The following LPIN2 variants were observed in gnomAD, a reference collection of about 807,000 sequenced individuals.
The protein encoded by LPIN2 is phosphatidate phosphatase LPIN2.
Under a neutral mutation model 111.4 loss-of-function variants are expected in LPIN2, and 55 were observed. That is an observed-to-expected ratio of 0.49 (90% CI 0.40 to 0.62). The LOEUF (loss-of-function observed/expected upper bound fraction) is 0.62. LPIN2 is among the 20% of genes least tolerant of loss of function. The probability of loss-of-function intolerance (pLI) is 0.00; values close to 1 mark genes in which losing one functional copy is unlikely to be tolerated. For synonymous variants in LPIN2, 425 were observed against 414.0 expected, an observed-to-expected ratio of 1.03 and a Z score of -0.32; for missense variants, 992 against 1,112.1, an observed-to-expected ratio of 0.89 and a Z score of 1.54.
intron 1 of LPIN2, among the ~76,000 whole-genome samples, chr18:2,968,543 G>A (rs2077846674): frequency 6.6e-6 from 1 of 151,400 alleles, no homozygotes; most frequent in African/African-American, 2.4e-5. Context: ...CTATTTGGGA[G>A]ACTGTTAGGA....
At chr18:3,008,888 T>G (rs541269932) in intron 1 of LPIN2, among the ~76,000 whole-genome samples, 2 of 151,236 alleles carry the variant, frequency 1.3e-5, no homozygotes, top group Admixed American at 1.3e-4. Context: ...TGTTTTTTTT[T>G]TTTTTTTTTT....
chr18:2,973,302 T>C (rs2077954059), intron 1 of LPIN2, among the ~76,000 whole-genome samples: 1 of 152,200 alleles, frequency 6.6e-6, no homozygotes, highest in African/African-American at 2.4e-5. Context: ...ATAATCAAGA[T>C]ACAGATCAAT....
At chr18:2,923,381 T>C (rs552873683) in intron 16 of LPIN2, among the ~76,000 whole-genome samples, 37 of 118,136 alleles carry the variant, frequency 3.1e-4, no homozygotes, top group Admixed American at 9.1e-4. Flanking sequence ...GGTCGCGCCA[T>C]TGCACTTCAG....
rs79202522 is a variant in LPIN2, at chr18:2,953,356, T to G, written c.288+1148A>C. On this transcript the variant is annotated intron_variant, in intron 3 of 19. Coordinates refer to ENST00000677752, the MANE Select transcript of LPIN2 (RefSeq NM_001375808.2). ...TTTTAAGAAACATACAAAAAGTGGTTTTTTTTTTTGACAGATGTCATTTAT... is the reference window on the plus strand; with the variant it reads ...TTTTAAGAAACATACAAAAAGTGGTGTTTTTTTTTGACAGATGTCATTTAT... Among the ~76,000 whole-genome samples the G allele has an allele frequency of 8.2e-4, 122 of 149,036 alleles. No individual in the cohort carries two copies. In the East Asian group the frequency reaches 0.019, roughly 23 times the overall value.
chr18:2,925,078 G>C lies in LPIN2; in HGVS notation c.1938+146C>G. The C allele has an allele frequency of 9.0e-7, 1 of 1,113,760 alleles. No homozygotes were observed. Among genetic ancestry groups the C allele is most frequent in the Non-Finnish European group, 1.3e-6 (1 of 762,606 alleles). The allele number at this position is 1,113,760 out of a possible 1,614,324, so 69.0% of individuals were successfully genotyped here. ...CTGATAGCTCTTGGGGGCGGCGGTC[G>C]TGGTTCCACTGTGGATAGGCATTGA... On this transcript the variant is annotated intron_variant, in intron 14 of 19. Transcript: ENST00000677752. The surrounding 1 kb of genome is among the most constrained non-coding windows in gnomAD (Gnocchi z 4.1).
chr18:2,982,045 G>C (rs2078118768), intron 1 of LPIN2, among the ~76,000 whole-genome samples: 1 of 152,114 alleles, frequency 6.6e-6, no homozygotes, highest in African/African-American at 2.4e-5. Flanking sequence ...GCAGATTTCT[G>C]GGACTTACAC....
At chr18:2,938,932 T>A (rs1400345869) in intron 6 of LPIN2, among the ~76,000 whole-genome samples, 1 of 152,216 alleles carries the variant, frequency 6.6e-6, no homozygotes, top group Non-Finnish European at 1.5e-5. Context: ...GGCAGGAGGA[T>A]CTCTTGAGCC....
rs1367813531 is a variant in LPIN2 at position 2,934,330 on chromosome 18, AATAAATAAGG to A, written c.1268+11_1268+20del. On this transcript the variant is annotated intron_variant, in intron 8 of 19. Coordinates refer to ENST00000677752, the MANE Select transcript of LPIN2 (RefSeq NM_001375808.2). Reference sequence around the variant, plus strand: ...CTAGACTATTTCAGAGCTGTCCTTCAATAAATAAGGACCACTCTACCTTTTAGGGAAATAA... The same window carrying A: ...CTAGACTATTTCAGAGCTGTCCTTCAACCACTCTACCTTTTAGGGAAATAA... 1 of 1,490,074 alleles carries A rather than the reference AATAAATAAGG, an allele frequency of 6.7e-7. No individual in the cohort carries two copies. The highest frequency in any genetic ancestry group is 9.4e-7 in the Non-Finnish European group (1 of 1,067,200). The allele number at this position is 1,490,074 out of a possible 1,614,324, so 92.3% of individuals were successfully genotyped here.
chr18:2,957,600 C>A (rs1433348609), intron 2 of LPIN2, among the ~76,000 whole-genome samples: 3 of 152,150 alleles, frequency 2.0e-5, no homozygotes, highest in Non-Finnish European at 4.4e-5. Context: ...ATGTCCGTTC[C>A]TTTGACAGGG....
intron 1 of LPIN2, among the ~76,000 whole-genome samples, chr18:3,000,564 T>TCAGATG (rs1419684725): frequency 2.0e-5 from 3 of 152,226 alleles, no homozygotes; most frequent in African/African-American, 4.8e-5. Flanking sequence ...ATGCCCTCCA[T>TCAGATG]CAGATGTACG....
Position 2,924,616 on chromosome 18 carries a change from G to C in LPIN2, c.1939-70C>G, listed in dbSNP as rs1048520575. The C allele has an allele frequency of 1.1e-5, 16 of 1,514,942 alleles. No homozygotes were observed. In the Admixed American group the frequency reaches 2.2e-4, roughly 21 times the overall value. 93.8% of individuals were successfully genotyped at this position (1,514,942 alleles called of 1,614,324 possible). On this transcript the variant is annotated intron_variant, in intron 14 of 19. Transcript: ENST00000677752. ...GTTTGAAACGATTTAAAAATTTACA[G>C]AACAACTGGTGTCTCGGAATCCCAA...
chr18:3,009,593 C>T (rs2078568597), intron 1 of LPIN2, among the ~76,000 whole-genome samples: 1 of 151,764 alleles, frequency 6.6e-6, no homozygotes, highest in Non-Finnish European at 1.5e-5. Context: ...CATGCATAAC[C>T]ACACCTGGCT....
chr18:2,938,943 C>G (rs1299703752), intron 6 of LPIN2, among the ~76,000 whole-genome samples: 1 of 152,156 alleles, frequency 6.6e-6, no homozygotes, highest in Non-Finnish European at 1.5e-5. Context: ...CTCTTGAGCC[C>G]AGGAGTTTGC....
At chr18:2,993,327 G>T (rs2078295306) in intron 1 of LPIN2, among the ~76,000 whole-genome samples, 1 of 152,188 alleles carries the variant, frequency 6.6e-6, no homozygotes, top group African/African-American at 2.4e-5. Context: ...TTTAAAATGA[G>T]AATATATTTG....
chr18:2,921,576 G>C lies in LPIN2; in HGVS notation c.2399C>G (p.Pro800Arg). Residue 800 changes from proline to arginine, a missense_variant, in exon 18 of 20, where the codon CCG (proline) becomes CGG (arginine). By Grantham distance (103) the Pro-to-Arg change is moderately radical. Coordinates refer to ENST00000677752, the MANE Select transcript of LPIN2 (RefSeq NM_001375808.2). The part of the protein sequence containing the change: ...CLNDIKNLFA[P>R]SKQPFYAAFG... ...GGCAGCATAGAAGGGCTGCTTAGAC[G>C]GGGCAAACAGATTCTTGATATCATT... 1 of 1,614,064 alleles carries C rather than the reference G, an allele frequency of 6.2e-7. No individual in the cohort carries two copies. The highest frequency in any genetic ancestry group is 8.5e-7 in the Non-Finnish European group (1 of 1,179,978).
At chr18:2,959,507 T>G (rs1262977136) in intron 2 of LPIN2, among the ~76,000 whole-genome samples, 1 of 152,216 alleles carries the variant, frequency 6.6e-6, no homozygotes, top group East Asian at 1.9e-4. Flanking sequence ...CTTTAAAATG[T>G]TGACAAAGCC....
chr18:2,955,181 C>T (rs1038268636), intron 2 of LPIN2, among the ~76,000 whole-genome samples: 1 of 152,112 alleles, frequency 6.6e-6, no homozygotes, highest in African/African-American at 2.4e-5. Flanking sequence ...TGCGTTGGGC[C>T]ATTTTTGTGT....
intron 6 of LPIN2, among the ~76,000 whole-genome samples, chr18:2,938,508 A>G: frequency 6.6e-6 from 1 of 152,172 alleles, no homozygotes; most frequent in Non-Finnish European, 1.5e-5. Flanking sequence ...TAGGTGACAG[A>G]GCAAGACTTT....
At chr18:2,964,296 A>AAG (rs2077757478) in intron 1 of LPIN2, among the ~76,000 whole-genome samples, 1 of 149,262 alleles carries the variant, frequency 6.7e-6, no homozygotes, top group Non-Finnish European at 1.5e-5. Flanking sequence ...AAAAAAAAAA[A>AAG]AAAAAAAAAG....
Sources: gnomAD v4.1 joint callset for allele counts (sites outside exome capture counted in the v4.1 genomes callset) on GRCh38, gnomAD v4.1.1 for gene constraint, Gnocchi (gnomAD v3.1) non-coding constraint, MANE v1.5 for transcripts, NCBI Gene and HGNC (gene_info 2026-07-23, HGNC 2026-07-21) for gene names.